ATP8A2: variants seen among roughly 807,000 people sequenced by gnomAD.
ATP8A2 encodes the protein ATPase phospholipid transporting 8A2, also known as phospholipid-transporting ATPase IB.
Under a neutral mutation model 165.6 loss-of-function variants are expected in ATP8A2, and 100 were observed. That is an observed-to-expected ratio of 0.60 (90% CI 0.51 to 0.71). The LOEUF (loss-of-function observed/expected upper bound fraction) is 0.71. Ranked by LOEUF, ATP8A2 falls within the 30% of genes least tolerant of loss-of-function variation. The pLI is 0.00. For missense variants in ATP8A2, 1,227 were observed against 1,479.5 expected (o/e 0.83, Z 2.80); for synonymous variants, 543 against 548.8 (o/e 0.99, Z 0.15).
chr13:25,871,135 G>T, intron 33 of ATP8A2: 1 of 351,152 alleles, frequency 2.8e-6, no homozygotes, highest in Non-Finnish European at 5.5e-6. Context: ...CAGAGGTTTT[G>T]TTGTGGTGTT....
In ATP8A2 at chr13:25,699,382, C is replaced by T. The variant is rs543187847; in HGVS notation, c.2384+37C>T. 104 of 1,498,678 alleles carry T rather than the reference C, an allele frequency of 6.9e-5. 1 individual carries two copies. The South Asian group carries it at 1.4e-3, about 20-fold the overall frequency. The allele number at this position is 1,498,678 out of a possible 1,614,324, so 92.8% of individuals were successfully genotyped here. On this transcript the variant is annotated intron_variant, in intron 25 of 36. Coordinates refer to ENST00000381655, the MANE Select transcript of ATP8A2 (RefSeq NM_016529.6). The stretch of plus-strand genomic sequence containing the variant: ...CAGGCTGTGCACAGTTCACACTCTG[C>T]TGTGTCTGTATCCCGTGCTTATACA...
intron 24 of ATP8A2, among the ~76,000 whole-genome samples, chr13:25,605,758 A>T (rs1182381816): frequency 6.6e-6 from 1 of 152,130 alleles, no homozygotes; most frequent in Non-Finnish European, 1.5e-5. Flanking sequence ...CATTTTGTAT[A>T]TTTCTGTGAT....
At chr13:25,962,425 C>G (rs563401865) in intron 34 of ATP8A2, among the ~76,000 whole-genome samples, 1 of 152,082 alleles carries the variant, frequency 6.6e-6, no homozygotes, top group Non-Finnish European at 1.5e-5. Context: ...AATAGGAAAT[C>G]ATTCATATTA....
chr13:25,941,915 A>G (rs1269424695), intron 33 of ATP8A2, among the ~76,000 whole-genome samples: 3 of 152,228 alleles, frequency 2.0e-5, no homozygotes, highest in African/African-American at 7.2e-5. Context: ...TTGTCCTCCC[A>G]GTCTCACTCC....
rs1329138228 is a variant in ATP8A2 at position 25,952,486 on chromosome 13, T to TC, written c.3184-9083dup. Among the ~76,000 whole-genome samples the TC allele has an allele frequency of 2.6e-5, 4 of 151,888 alleles. No individual in the cohort carries two copies. The East Asian group carries it at 7.8e-4, about 29-fold the overall frequency. On this transcript the variant is annotated intron_variant, in intron 33 of 36. Coordinates refer to ENST00000381655, the MANE Select transcript of ATP8A2 (RefSeq NM_016529.6). The stretch of plus-strand genomic sequence containing the variant: ...ACCTTGAACTCTTGAGCCCAAGCGA[T>TC]CCCCCCACCTTAGCCTCCCAAATTT...
chr13:25,875,835 A>T (rs909649710), intron 33 of ATP8A2, among the ~76,000 whole-genome samples: 3 of 152,222 alleles, frequency 2.0e-5, no homozygotes, highest in African/African-American at 7.2e-5. Flanking sequence ...GAGAGGCATA[A>T]ATGAAATTAA....
At chr13:25,616,326 C>CTTTTTTTTTTTTTTTTTTTTTTTTTT (rs535891442) in intron 24 of ATP8A2, among the ~76,000 whole-genome samples, 7 of 106,754 alleles carry the variant, frequency 6.6e-5, no homozygotes, top group Non-Finnish European at 1.1e-4. Flanking sequence ...TTCTTTCTTT[C>CTTTTTTTTTTTTTTTTTTTTTTTTTT]TTTTTTTTTT....
intron 35 of ATP8A2, among the ~76,000 whole-genome samples, chr13:25,987,554 C>T (rs1356755855): frequency 6.6e-6 from 1 of 152,192 alleles, no homozygotes; most frequent in Non-Finnish European, 1.5e-5. Context: ...CTGGCAAAGT[C>T]AGCATGCTGT....
intron 28 of ATP8A2, among the ~76,000 whole-genome samples, chr13:25,835,742 C>G (rs1372825424): frequency 6.6e-6 from 1 of 152,132 alleles, no homozygotes; most frequent in East Asian, 1.9e-4. Context: ...GTGAAAGTCA[C>G]AAGTCTTGCA....
At chr13:25,507,444 T>G (rs1566197110) in intron 2 of ATP8A2, among the ~76,000 whole-genome samples, 1 of 152,036 alleles carries the variant, frequency 6.6e-6, no homozygotes, top group Non-Finnish European at 1.5e-5. Flanking sequence ...TTTTGTATTT[T>G]TAGTAGAGAG....
chr13:25,985,476 C>T (rs1268753293), intron 35 of ATP8A2, among the ~76,000 whole-genome samples: 1 of 152,174 alleles, frequency 6.6e-6, no homozygotes, highest in Non-Finnish European at 1.5e-5. Context: ...ATACCAGAGA[C>T]CTCACTTCAA....
At chr13:25,658,595 C>CA (rs2041984360) in intron 24 of ATP8A2, among the ~76,000 whole-genome samples, 1 of 152,154 alleles carries the variant, frequency 6.6e-6, no homozygotes, top group African/African-American at 2.4e-5. Context: ...GCAGAGATCG[C>CA]ACCATTGCAC....
intron 25 of ATP8A2, among the ~76,000 whole-genome samples, chr13:25,707,863 A>G (rs994971404): frequency 6.6e-6 from 1 of 152,182 alleles, no homozygotes; most frequent in Non-Finnish European, 1.5e-5. Context: ...TCAGATGCAA[A>G]CTGAACAGTG....
chr13:25,534,361 A>G (rs1033835641), intron 6 of ATP8A2: 12 of 387,674 alleles, frequency 3.1e-5, no homozygotes, highest in Non-Finnish European at 6.2e-5. Flanking sequence ...GATGCTCCCA[A>G]TGCTGAAGGA....
intron 33 of ATP8A2, among the ~76,000 whole-genome samples, chr13:25,868,523 A>T (rs1277515718): frequency 1.3e-5 from 2 of 151,622 alleles, no homozygotes; most frequent in Non-Finnish European, 3.0e-5. Flanking sequence ...CCAATTATTC[A>T]TTGAAGTCCA....
intron 1 of ATP8A2, among the ~76,000 whole-genome samples, chr13:25,402,075 C>T (rs902428964): frequency 4.6e-5 from 7 of 152,038 alleles, no homozygotes; most frequent in Non-Finnish European, 7.4e-5. Flanking sequence ...TGTGATACCA[C>T]GACAGTCAAT....
At chr13:25,780,066 G>A (rs1218956891) in intron 27 of ATP8A2, among the ~76,000 whole-genome samples, 1 of 152,124 alleles carries the variant, frequency 6.6e-6, no homozygotes, top group African/African-American at 2.4e-5. Flanking sequence ...GAACCTCTGG[G>A]AAAAGGTTAT....
At chr13:25,622,205 C>CAAA (rs66680708) in intron 24 of ATP8A2, among the ~76,000 whole-genome samples, 8 of 124,900 alleles carry the variant, frequency 6.4e-5, no homozygotes, top group Admixed American at 1.6e-4. Context: ...GACTCTGTCT[C>CAAA]AAAAAAAAAA....
intron 25 of ATP8A2, among the ~76,000 whole-genome samples, chr13:25,768,087 T>C (rs367576003): frequency 3.1e-5 from 1 of 32,426 alleles, no homozygotes; most frequent in Admixed American, 3.4e-4. Flanking sequence ...GGGGGGGGGG[T>C]GGTGGGGGGG....
Sources: allele counts gnomAD v4.1 joint callset (sites outside exome capture counted in the v4.1 genomes callset), GRCh38; gene constraint gnomAD v4.1.1; transcripts MANE v1.5; gene names NCBI Gene and HGNC (gene_info 2026-07-23, HGNC 2026-07-21).